Variants in QTMAN observed in about 807,000 individuals in gnomAD.
QTMAN encodes the protein tRNA-queuosine alpha-mannosyltransferase.
the QTMAN span, among the ~76,000 whole-genome samples, chr2:144,244,284 CA>C: frequency 4.6e-5 from 7 of 152,290 alleles, no homozygotes; most frequent in African/African-American, 1.7e-4. Context: ...GGGAAGTTTG[CA>C]AGGGAAGATG....
chr2:144,113,326 G>A, the QTMAN span, among the ~76,000 whole-genome samples: 209 of 151,982 alleles, frequency 1.4e-3, no homozygotes, highest in African/African-American at 4.9e-3. Context: ...CACAATGAAT[G>A]AGCTCAACTG....
the QTMAN span, among the ~76,000 whole-genome samples, chr2:144,287,525 T>C: frequency 1.3e-5 from 2 of 151,438 alleles, no homozygotes; most frequent in African/African-American, 4.9e-5. Flanking sequence ...GGTAATCAAA[T>C]AGAAATTATA....
chr2:143,957,404 C>T, the QTMAN span: 5 of 987,502 alleles, frequency 5.1e-6, no homozygotes, highest in African/African-American at 8.4e-5. Flanking sequence ...GAGATGTCAG[C>T]AGTGTCTCAT....
the QTMAN span, among the ~76,000 whole-genome samples, chr2:144,076,124 G>C: frequency 6.6e-6 from 1 of 152,188 alleles, no homozygotes; most frequent in African/African-American, 2.4e-5. Flanking sequence ...GCGCGTGCCT[G>C]TAGTCCCAGC....
At chr2:144,110,256 C>G in the QTMAN span, among the ~76,000 whole-genome samples, 1 of 152,092 alleles carries the variant, frequency 6.6e-6, no homozygotes, top group Non-Finnish European at 1.5e-5. Context: ...ATGGATGAAG[C>G]TGGAAACCAT....
chr2:144,182,831 A>ATATAT, the QTMAN span, among the ~76,000 whole-genome samples: 4 of 67,832 alleles, frequency 5.9e-5, no homozygotes, highest in Non-Finnish European at 1.0e-4. Context: ...TATATATAAT[A>ATATAT]TATATATATT....
the QTMAN span, among the ~76,000 whole-genome samples, chr2:144,157,438 CAG>C: frequency 6.6e-6 from 1 of 152,000 alleles, no homozygotes; most frequent in Non-Finnish European, 1.5e-5. Context: ...CCTTCTGACT[CAG>C]AGCTGTCCCT....
At chr2:144,030,990 C>T in the QTMAN span, among the ~76,000 whole-genome samples, 6 of 152,256 alleles carry the variant, frequency 3.9e-5, no homozygotes, top group African/African-American at 1.2e-4. Context: ...CTTGCCAAGA[C>T]TCATAAAATG....
At chr2:144,047,414 A>G in the QTMAN span, among the ~76,000 whole-genome samples, 1 of 152,252 alleles carries the variant, frequency 6.6e-6, no homozygotes, top group South Asian at 2.1e-4. Context: ...ATAAGATAAA[A>G]AGAAAAAAGT....
chr2:144,100,955 C>T, the QTMAN span, among the ~76,000 whole-genome samples: 38 of 149,864 alleles, frequency 2.5e-4, no homozygotes, highest in Admixed American at 1.1e-3. Context: ...CTGCAAGCTC[C>T]GCCTCCCGGG....
At chr2:144,204,119 T>C in the QTMAN span, among the ~76,000 whole-genome samples, 1 of 152,060 alleles carries the variant, frequency 6.6e-6, no homozygotes, top group Non-Finnish European at 1.5e-5. Flanking sequence ...CCAAAAGCAA[T>C]GGCAACAAAA....
At chr2:144,330,561 A>G in the QTMAN span, among the ~76,000 whole-genome samples, 1 of 152,242 alleles carries the variant, frequency 6.6e-6, no homozygotes, top group East Asian at 1.9e-4. Flanking sequence ...GCTAATTCAA[A>G]AACACTGGAA....
At chr2:144,132,573 A>G in the QTMAN span, among the ~76,000 whole-genome samples, 1 of 152,092 alleles carries the variant, frequency 6.6e-6, no homozygotes, top group South Asian at 2.1e-4. Context: ...GTGACCTTTC[A>G]TGTCACATGA....
At chr2:144,204,857 G>A in the QTMAN span, among the ~76,000 whole-genome samples, 10 of 151,936 alleles carry the variant, frequency 6.6e-5, no homozygotes, top group African/African-American at 2.4e-4. Flanking sequence ...CATGGATGAA[G>A]CTGGAAACCA....
At chr2:144,197,668 G>C in the QTMAN span, among the ~76,000 whole-genome samples, 3 of 152,072 alleles carry the variant, frequency 2.0e-5, no homozygotes, top group African/African-American at 7.2e-5. Context: ...TTCTTAACTA[G>C]TAAAAAGCAA....
the QTMAN span, among the ~76,000 whole-genome samples, chr2:144,119,639 T>A: frequency 6.6e-6 from 1 of 152,222 alleles, no homozygotes; most frequent in Non-Finnish European, 1.5e-5. Flanking sequence ...GTAGGACCTC[T>A]GGCAAGGTGC....
the QTMAN span, among the ~76,000 whole-genome samples, chr2:144,091,112 A>C: frequency 3.9e-5 from 6 of 152,116 alleles, no homozygotes; most frequent in Admixed American, 6.5e-5. Context: ...GCCTGAGAAA[A>C]TATAGTTTTG....
the QTMAN span, among the ~76,000 whole-genome samples, chr2:144,112,038 G>A: frequency 6.6e-6 from 1 of 152,152 alleles, no homozygotes; most frequent in African/African-American, 2.4e-5. Flanking sequence ...TTTAAATGAA[G>A]AATAACCTAA....
the QTMAN span, among the ~76,000 whole-genome samples, chr2:144,073,773 T>C: frequency 6.6e-6 from 1 of 152,158 alleles, no homozygotes; most frequent in Admixed American, 6.5e-5. Context: ...TCGAATCATA[T>C]CCCCCAACTC....
Sources: allele counts gnomAD v4.1 joint callset (sites outside exome capture counted in the v4.1 genomes callset), GRCh38; gene constraint gnomAD v4.1.1; transcripts MANE v1.5; gene names NCBI Gene and HGNC (gene_info 2026-07-23, HGNC 2026-07-21).